The following SUMF1 variants were observed in gnomAD, a reference collection of about 807,000 sequenced individuals.
SUMF1 encodes the protein sulfatase modifying factor 1, also known as formylglycine-generating enzyme.
A neutral mutation model predicts 47.6 loss-of-function variants in SUMF1; 48 were observed. The observed-to-expected ratio is 1.01, with a 90% CI of 0.80 to 1.28. The LOEUF (loss-of-function observed/expected upper bound fraction) is 1.28. Among genes scored for constraint, SUMF1 ranks in the 50% most tolerant of loss-of-function variants. The pLI, the probability that SUMF1 is intolerant of heterozygous loss-of-function variation, is 0.00. For missense variants in SUMF1, 571 were observed against 485.4 expected, an observed-to-expected ratio of 1.18 and a Z score of -1.66; for synonymous variants, 230 against 192.1, an observed-to-expected ratio of 1.20 and a Z score of -1.63.
chr3:4,045,597 G>A (rs552085175), intron 9 of SUMF1, among the ~76,000 whole-genome samples: 5 of 152,026 alleles, frequency 3.3e-5, no homozygotes, highest in Admixed American at 2.6e-4. Context: ...AACTCAAATC[G>A]AGCTAACAAC....
chr3:4,308,286 CCTACTATGCACTACCTG>C (rs2125083525), intron 8 of SUMF1, among the ~76,000 whole-genome samples: 1 of 152,232 alleles, frequency 6.6e-6, no homozygotes, highest in South Asian at 2.1e-4. Context: ...TCTTCACTAC[CCTACTATGCACTACCTG>C]CAAAATTTTT....
At chr3:4,316,602 C>T (rs968658005) in intron 8 of SUMF1, 51 of 1,551,108 alleles carry the variant, frequency 3.3e-5, no homozygotes, top group African/African-American at 2.5e-4. Flanking sequence ...TCAAAAAAAT[C>T]GTCGTTTTGA....
At chr3:4,053,466 TA>T (rs1221937923) in intron 9 of SUMF1, among the ~76,000 whole-genome samples, 1 of 152,188 alleles carries the variant, frequency 6.6e-6, no homozygotes, top group East Asian at 1.9e-4. Flanking sequence ...AGCCTTGCTT[TA>T]CGCAAGGTTG....
rs1482248838 is a variant in SUMF1, at chr3:4,273,338, G to C, written c.1014+102992C>G. Among the ~76,000 whole-genome samples the C allele has an allele frequency of 5.9e-5, 9 of 151,988 alleles. No individual in the cohort carries two copies. The East Asian group carries it at 1.5e-3, about 26-fold the overall frequency. ...TGCCTATAGAATGAAATAGTATTTGGCAATAAAAAGGAACAAAGTACTGAT... is the reference window on the plus strand; with the variant it reads ...TGCCTATAGAATGAAATAGTATTTGCCAATAAAAAGGAACAAAGTACTGAT... On this transcript the variant is annotated intron_variant and NMD_transcript_variant, in intron 8 of 12. Coordinates refer to the SUMF1 transcript ENST00000448413.
chr3:4,246,930 T>G (rs1267211397), intron 8 of SUMF1, among the ~76,000 whole-genome samples: 1 of 152,212 alleles, frequency 6.6e-6, no homozygotes, highest in Non-Finnish European at 1.5e-5. Context: ...TAATTTGGTT[T>G]TGGGTATGTT....
At chr3:4,260,831 T>C (rs1004931486) in intron 8 of SUMF1, among the ~76,000 whole-genome samples, 1 of 152,144 alleles carries the variant, frequency 6.6e-6, no homozygotes, top group Non-Finnish European at 1.5e-5. Context: ...TATGTGCGTG[T>C]CCTAATCCCC....
intron 8 of SUMF1, among the ~76,000 whole-genome samples, chr3:4,274,890 C>T (rs1697380467): frequency 1.3e-5 from 2 of 152,076 alleles, no homozygotes; most frequent in African/African-American, 4.8e-5. Flanking sequence ...ATATTTATTA[C>T]GGAATAACAC....
intron 8 of SUMF1, among the ~76,000 whole-genome samples, chr3:4,126,548 C>A (rs1693658993): frequency 1.3e-5 from 2 of 152,004 alleles, no homozygotes; most frequent in Non-Finnish European, 2.9e-5. Flanking sequence ...TTTGTTAAGA[C>A]CTTTGATTGT....
chr3:4,161,018 T>C (rs955978010), intron 8 of SUMF1, among the ~76,000 whole-genome samples: 1 of 152,148 alleles, frequency 6.6e-6, no homozygotes, highest in Non-Finnish European at 1.5e-5. Context: ...TCTAAATTTT[T>C]AGTCATTGCA....
intron 8 of SUMF1, chr3:4,313,107 C>T (rs2125098211): frequency 6.2e-7 from 1 of 1,613,900 alleles, no homozygotes; most frequent in African/African-American, 1.3e-5. Context: ...ATGTCCTGTG[C>T]CGATGCAGTG....
At chr3:4,383,161 T>C (rs1056114641) in intron 7 of SUMF1, among the ~76,000 whole-genome samples, 7 of 152,196 alleles carry the variant, frequency 4.6e-5, no homozygotes, top group African/African-American at 1.7e-4. Flanking sequence ...GACGGATCAC[T>C]GGAGGTCAGG....
At chr3:4,295,945 T>C (rs1697841361) in intron 8 of SUMF1, among the ~76,000 whole-genome samples, 1 of 152,240 alleles carries the variant, frequency 6.6e-6, no homozygotes, top group South Asian at 2.1e-4. Context: ...GATGGAAGTT[T>C]TTTTATTCTG....
intron 8 of SUMF1, among the ~76,000 whole-genome samples, chr3:4,227,982 C>G (rs1315455673): frequency 6.6e-6 from 1 of 151,958 alleles, no homozygotes; most frequent in Non-Finnish European, 1.5e-5. Flanking sequence ...GTTGGAGTAG[C>G]CATAGGGACA....
At chr3:4,147,817 A>G (rs1694230858) in intron 8 of SUMF1, among the ~76,000 whole-genome samples, 1 of 152,130 alleles carries the variant, frequency 6.6e-6, no homozygotes, top group African/African-American at 2.4e-5. Context: ...CGGAGATGGA[A>G]ATAGTCCTAT....
intron 8 of SUMF1, among the ~76,000 whole-genome samples, chr3:4,262,116 A>G (rs985852274): frequency 6.6e-6 from 1 of 152,096 alleles, no homozygotes; most frequent in African/African-American, 2.4e-5. Context: ...GCCCGGCCTC[A>G]ACCCAAGCAA....
At chr3:4,287,344 C>A (rs1332202280) in intron 8 of SUMF1, among the ~76,000 whole-genome samples, 1 of 151,164 alleles carries the variant, frequency 6.6e-6, no homozygotes, top group Non-Finnish European at 1.5e-5. Context: ...AGTAAAGATT[C>A]AAAAAACTTA....
chr3:4,164,940 G>A (rs901317196), intron 8 of SUMF1, among the ~76,000 whole-genome samples: 7 of 152,062 alleles, frequency 4.6e-5, no homozygotes, highest in Non-Finnish European at 7.4e-5. Flanking sequence ...AAGTTATCGC[G>A]GACATCATCG....
At chr3:4,155,051 A>G (rs1164700111) in intron 8 of SUMF1, among the ~76,000 whole-genome samples, 3 of 151,474 alleles carry the variant, frequency 2.0e-5, no homozygotes, top group African/African-American at 7.4e-5. Context: ...CATAGGTGAC[A>G]TTCATTCAAA....
chr3:4,283,074 C>T (rs1697560719), intron 8 of SUMF1, among the ~76,000 whole-genome samples: 1 of 152,148 alleles, frequency 6.6e-6, no homozygotes, highest in Non-Finnish European at 1.5e-5. Context: ...GAATTGATGA[C>T]CTGCATTTGG....
Sources: gnomAD v4.1 joint callset for allele counts (sites outside exome capture counted in the v4.1 genomes callset) on GRCh38, gnomAD v4.1.1 for gene constraint, MANE v1.5 for transcripts, NCBI Gene and HGNC (gene_info 2026-07-23, HGNC 2026-07-21) for gene names.